ACOT12: variants seen among roughly 807,000 people sequenced by gnomAD.
The protein encoded by ACOT12 is acyl-CoA thioesterase 12.
ACOT12 carries 51 observed loss-of-function variants against 67.7 expected under a neutral mutation model. The ratio of observed to expected loss-of-function variants is 0.75; its 90% CI spans 0.60 to 0.95. The LOEUF (loss-of-function observed/expected upper bound fraction) is 0.95. ACOT12 is among the 40% of genes least tolerant of loss of function. ACOT12 has a pLI of 0.00. For synonymous variants in ACOT12, 251 were observed against 244.6 expected, an observed-to-expected ratio of 1.03 and a Z score of -0.24; for missense variants, 734 against 708.1, an observed-to-expected ratio of 1.04 and a Z score of -0.41.
At chr5:81,348,690 G>T (rs570478705) in intron 5 of ACOT12, among the ~76,000 whole-genome samples, 1 of 151,870 alleles carries the variant, frequency 6.6e-6, no homozygotes, top group Non-Finnish European at 1.5e-5. Flanking sequence ...TCGGCCTCCC[G>T]AGTAGCTGGG....
the ACOT12 span, among the ~76,000 whole-genome samples, chr5:81,322,389 G>A: frequency 2.0e-5 from 3 of 151,772 alleles, no homozygotes; most frequent in South Asian, 2.1e-4. Context: ...TCCGGAAGGC[G>A]GAAGTTGCAG....
At chr5:81,321,119 G>T in the ACOT12 span, among the ~76,000 whole-genome samples, 1 of 152,170 alleles carries the variant, frequency 6.6e-6, no homozygotes, top group Non-Finnish European at 1.5e-5. Flanking sequence ...AGCAGAACGT[G>T]GTGGCTTGCA....
chr5:81,365,027 G>A (rs1461754764), intron 3 of ACOT12, among the ~76,000 whole-genome samples: 3 of 152,190 alleles, frequency 2.0e-5, no homozygotes, highest in Non-Finnish European at 4.4e-5. Flanking sequence ...GACACTTTAT[G>A]TTGATACTAA....
At chr5:81,325,733 A>G (rs187518481), downstream of ACOT12, among the ~76,000 whole-genome samples, 1 of 152,312 alleles carries the variant, frequency 6.6e-6, no homozygotes, top group African/African-American at 2.4e-5. Context: ...GGCATTTTTA[A>G]TATCAGATTT....
At chr5:81,368,700 AAAAAAG>A (rs1760155078) in intron 3 of ACOT12, among the ~76,000 whole-genome samples, 1 of 152,054 alleles carries the variant, frequency 6.6e-6, no homozygotes, top group African/African-American at 2.4e-5. Flanking sequence ...TTATATTTGA[AAAAAAG>A]AAAAGTTTAA....
intron 4 of ACOT12, among the ~76,000 whole-genome samples, chr5:81,361,499 C>G (rs1171226721): frequency 6.6e-6 from 1 of 152,160 alleles, no homozygotes; most frequent in Admixed American, 6.5e-5. Flanking sequence ...CTGCACCCAG[C>G]CTGATTTAAC....
chr5:81,330,962 G>A (rs761550634), intron 13 of ACOT12, 22 bp from the exon 14 acceptor site: 2 of 1,567,156 alleles, frequency 1.3e-6, no homozygotes, highest in Non-Finnish European at 8.6e-7. Context: ...CACTTTCTAA[G>A]CTCTTGTGAG....
intron 5 of ACOT12, among the ~76,000 whole-genome samples, chr5:81,353,854 A>G (rs1252712513): frequency 2.0e-5 from 3 of 152,242 alleles, no homozygotes; most frequent in African/African-American, 4.8e-5. Context: ...TTTATAACCA[A>G]CACAAACCCC....
At chr5:81,317,791 G>T in the ACOT12 span, among the ~76,000 whole-genome samples, 6 of 152,050 alleles carry the variant, frequency 3.9e-5, no homozygotes, top group African/African-American at 1.4e-4. Context: ...ATCACAATTT[G>T]ACATGAGAGA....
At position 81,343,682 on chromosome 5, in the gene ACOT12, T is replaced by C. The variant is rs76125752; in HGVS notation, c.1044+136A>G. 0.19 allele frequency: 152,058 copies of C among 819,070 alleles called. 15,118 individuals carry two copies. Among genetic ancestry groups the C allele is most frequent in the Middle Eastern group, 0.28 (1,152 of 4,112 alleles). 50.7% of individuals were successfully genotyped at this position (819,070 alleles called of 1,614,324 possible). On this transcript the variant is annotated intron_variant, in intron 10 of 14. Coordinates refer to ENST00000307624, the MANE Select transcript of ACOT12 (RefSeq NM_130767.3). ...ACTGATAGCCTGGTTTTGTTTCATC[T>C]TGACATGACTGGCTGATATAATCCA...
At chr5:81,380,995 A>G (rs1384702030) in intron 2 of ACOT12, among the ~76,000 whole-genome samples, 1 of 152,212 alleles carries the variant, frequency 6.6e-6, no homozygotes, top group Non-Finnish European at 1.5e-5. Flanking sequence ...TAACCGTAAC[A>G]CAATGGTAAG....
intron 11 of ACOT12, among the ~76,000 whole-genome samples, chr5:81,341,217 G>A (rs1306056198): frequency 6.6e-6 from 1 of 152,194 alleles, no homozygotes; most frequent in Non-Finnish European, 1.5e-5. Flanking sequence ...TTAAACCTGT[G>A]TTTCTGCATC....
At chr5:81,354,974 A>G (rs1561334609) in intron 5 of ACOT12, among the ~76,000 whole-genome samples, 2 of 152,116 alleles carry the variant, frequency 1.3e-5, no homozygotes, top group Non-Finnish European at 2.9e-5. Context: ...TTATAGGCAT[A>G]AGCCACCGCC....
At chr5:81,374,154 C>A (rs527826985) in intron 2 of ACOT12, among the ~76,000 whole-genome samples, 3 of 152,308 alleles carry the variant, frequency 2.0e-5, no homozygotes, top group East Asian at 1.9e-4. Flanking sequence ...AGGAGGGAAT[C>A]TTTGCTGTTC....
chr5:81,380,384 C>T (rs565657946), intron 2 of ACOT12, among the ~76,000 whole-genome samples: 4 of 151,950 alleles, frequency 2.6e-5, no homozygotes, highest in South Asian at 2.1e-4. Flanking sequence ...GCCAACATGG[C>T]AAAGCCCTGT....
intron 5 of ACOT12, among the ~76,000 whole-genome samples, chr5:81,348,671 TCTC>T (rs1354355965): frequency 6.6e-6 from 1 of 152,112 alleles, no homozygotes; most frequent in East Asian, 1.9e-4. Flanking sequence ...TTCAAGCAAT[TCTC>T]CTGCCTCGGC....
At chr5:81,317,534 C>G in the ACOT12 span, among the ~76,000 whole-genome samples, 1 of 150,668 alleles carries the variant, frequency 6.6e-6, no homozygotes, top group African/African-American at 2.4e-5. Context: ...TTAATTGACT[C>G]ACAGTTTCAC....
intron 5 of ACOT12, among the ~76,000 whole-genome samples, chr5:81,353,067 A>G (rs1363479440): frequency 6.6e-6 from 1 of 152,216 alleles, no homozygotes; most frequent in African/African-American, 2.4e-5. Flanking sequence ...GAGACATTGT[A>G]AAGACTCAAA....
At chr5:81,392,689 A>G (rs187030350) in intron 1 of ACOT12, among the ~76,000 whole-genome samples, 1 of 151,586 alleles carries the variant, frequency 6.6e-6, no homozygotes, top group East Asian at 1.9e-4. Flanking sequence ...CTTTTTTCCT[A>G]TGTGTGGATT....
Sources: allele counts gnomAD v4.1 joint callset (sites outside exome capture counted in the v4.1 genomes callset), GRCh38; gene constraint gnomAD v4.1.1; transcripts MANE v1.5; gene names NCBI Gene and HGNC (gene_info 2026-07-23, HGNC 2026-07-21).